The following ITGB1 variants were observed in gnomAD, a reference collection of about 807,000 sequenced individuals.
The protein encoded by ITGB1 is integrin beta-1.
Under a neutral mutation model 86.5 loss-of-function variants are expected in ITGB1, and 24 were observed. The ratio of observed to expected loss-of-function variants is 0.28; its 90% CI spans 0.20 to 0.39. The LOEUF (loss-of-function observed/expected upper bound fraction) is 0.39, where lower values mean the gene tolerates loss of function less well. Among genes scored for constraint, ITGB1 ranks in the 10% least tolerant of loss-of-function variants. The pLI is 1.00. For synonymous variants in ITGB1, 323 were observed against 316.8 expected (o/e 1.02, Z -0.21); for missense variants, 556 against 946.9 (o/e 0.59, Z 5.42).
At chr10:32,907,811 C>T (rs1427337426) in intron 15 of ITGB1, among the ~76,000 whole-genome samples, 4 of 151,936 alleles carry the variant, frequency 2.6e-5, no homozygotes. Context: ...CTAACGATAG[C>T]TGATGAGCTT....
intron 2 of ITGB1, among the ~76,000 whole-genome samples, chr10:32,934,746 T>C (rs1176920505): frequency 1.3e-5 from 2 of 152,236 alleles, no homozygotes; most frequent in African/African-American, 2.4e-5. Flanking sequence ...TCAGTTTTTA[T>C]TGGATTTCTA....
chr10:32,923,259 T>C (rs2094955374), intron 7 of ITGB1, among the ~76,000 whole-genome samples: 1 of 152,216 alleles, frequency 6.6e-6, no homozygotes, highest in Non-Finnish European at 1.5e-5. Flanking sequence ...AGTATGAGAC[T>C]AGATAAATTA....
chr10:32,926,241 C>A, intron 5 of ITGB1, 132 bp from the exon 6 acceptor site: 2 of 682,188 alleles, frequency 2.9e-6, no homozygotes, highest in Non-Finnish European at 2.5e-6. Context: ...TGTGTTACCC[C>A]AAAATTCCTA....
chr10:32,917,047 A>G (rs1292701239), intron 11 of ITGB1, among the ~76,000 whole-genome samples: 1 of 152,176 alleles, frequency 6.6e-6, no homozygotes, highest in East Asian at 1.9e-4. Flanking sequence ...ACACATCTAC[A>G]ACCATCTGAT....
intron 1 of ITGB1, among the ~76,000 whole-genome samples, chr10:32,954,816 T>G (rs893435456): frequency 1.3e-5 from 2 of 152,238 alleles, no homozygotes; most frequent in Non-Finnish European, 2.9e-5. Context: ...TGAGGTGATA[T>G]GCACACGCTT....
At chr10:32,932,745 A>C in intron 2 of ITGB1, 145 bp from the exon 3 acceptor site, 4 of 555,544 alleles carry the variant, frequency 7.2e-6, no homozygotes, top group East Asian at 3.1e-5. Context: ...ACCTTCCCCA[A>C]AGAGAGCAGG....
chr10:32,938,278 T>C (rs2095009019), intron 1 of ITGB1, among the ~76,000 whole-genome samples: 1 of 152,248 alleles, frequency 6.6e-6, no homozygotes, highest in Non-Finnish European at 1.5e-5. Flanking sequence ...TAAAAGTTCC[T>C]GAGGAAATGC....
chr10:32,943,741 G>C (rs1227872421), intron 1 of ITGB1, among the ~76,000 whole-genome samples: 1 of 152,108 alleles, frequency 6.6e-6, no homozygotes, highest in African/African-American at 2.4e-5. Context: ...CCTGGGAACA[G>C]AACTGGTGTG....
chr10:32,951,931 T>C (rs1005611306), intron 1 of ITGB1, among the ~76,000 whole-genome samples: 2 of 152,196 alleles, frequency 1.3e-5, no homozygotes, highest in Non-Finnish European at 2.9e-5. Context: ...GAGAATTATC[T>C]TCTCAAACTG....
In ITGB1 at chr10:32,932,614, G is replaced by A. The variant is rs2094987206; in HGVS notation, c.68-14C>T. ...ATCTATTTTCATCTGTCAGAAAGAA[G>A]AAAGAACAGAACATTTTATGTGAAG... is the stretch of plus-strand genomic sequence containing the variant. On this transcript the variant is annotated splice_polypyrimidine_tract_variant and intron_variant, in intron 2 of 15. Coordinates refer to ENST00000302278, the MANE Select transcript of ITGB1 (RefSeq NM_002211.4). 1 of 1,409,084 alleles carries A rather than the reference G, an allele frequency of 7.1e-7. No homozygotes were observed. Among genetic ancestry groups the A allele is most frequent in the Non-Finnish European group, 1.0e-6 (1 of 994,332 alleles). The allele number at this position is 1,409,084 out of a possible 1,614,324, so 87.3% of individuals were successfully genotyped here.
chr10:32,955,335 C>G (rs2095050271), intron 1 of ITGB1, among the ~76,000 whole-genome samples: 1 of 152,320 alleles, frequency 6.6e-6, no homozygotes, highest in Admixed American at 6.5e-5. Flanking sequence ...AACTCTCTGG[C>G]AGAGTGAGAA....
At position 32,900,638 on chromosome 10, in the gene ITGB1, T is replaced by C. The variant is rs1191694193; in HGVS notation, c.*932A>G. 3 of 140,624 alleles carry C rather than the reference T, an allele frequency of 2.1e-5. No homozygotes were observed. Among genetic ancestry groups the C allele is most frequent in the Admixed American group, 1.4e-4 (2 of 13,940 alleles). The allele number at this position is 140,624 out of a possible 1,614,324, so 8.7% of individuals were successfully genotyped here. On this transcript the variant is annotated 3_prime_UTR_variant, in exon 16 of 16. Coordinates refer to ENST00000302278, the MANE Select transcript of ITGB1 (RefSeq NM_002211.4). ...TTCACATGTTCATTAAAAAGGCAAA[T>C]TGACCGCTAAAACTTCAAAGAAAAA... is the stretch of plus-strand genomic sequence containing the variant.
chr10:32,936,410 G>C (rs1032290053), intron 1 of ITGB1, among the ~76,000 whole-genome samples: 2 of 151,866 alleles, frequency 1.3e-5, no homozygotes, highest in African/African-American at 4.8e-5. Context: ...CTGGGCAACA[G>C]AGCAGGACTC....
intron 1 of ITGB1, among the ~76,000 whole-genome samples, chr10:32,942,582 T>A (rs2095021095): frequency 6.6e-6 from 1 of 152,172 alleles, no homozygotes; most frequent in Admixed American, 6.5e-5. Flanking sequence ...TCTTTGCTGT[T>A]AGGCTCATGC....
intron 5 of ITGB1, among the ~76,000 whole-genome samples, chr10:32,926,487 C>T (rs1182225517): frequency 6.6e-6 from 1 of 152,136 alleles, no homozygotes; most frequent in Non-Finnish European, 1.5e-5. Flanking sequence ...CTATTCTGAC[C>T]ACAGTGAGTG....
At chr10:32,946,333 G>T (rs1383924297) in intron 1 of ITGB1, among the ~76,000 whole-genome samples, 1 of 152,172 alleles carries the variant, frequency 6.6e-6, no homozygotes, top group African/African-American at 2.4e-5. Flanking sequence ...CCAATAAAAA[G>T]AATTCACAGG....
chr10:32,916,762 C>T (rs1785807110), intron 11 of ITGB1, among the ~76,000 whole-genome samples: 1 of 152,176 alleles, frequency 6.6e-6, no homozygotes, highest in Non-Finnish European at 1.5e-5. Flanking sequence ...AATGGCCATA[C>T]TGCCCAAGGT....
chr10:32,942,613 G>A (rs1488555319), intron 1 of ITGB1, among the ~76,000 whole-genome samples: 1 of 152,140 alleles, frequency 6.6e-6, no homozygotes, highest in Non-Finnish European at 1.5e-5. Flanking sequence ...AGCACTTTGA[G>A]GGGCTGAGGT....
Position 32,957,589 on chromosome 10 carries a change from G to A in ITGB1, c.-1+556C>T, listed in dbSNP as rs1404767484. Among the ~76,000 whole-genome samples, 3 of 151,482 alleles carry A rather than the reference G, an allele frequency of 2.0e-5. No individual in the cohort carries two copies. The East Asian group carries it at 6.0e-4, about 30-fold the overall frequency. ...CGCCCGCGGCGCTGGCCCCAGGGCC[G>A]CCTCCTGGCAGCCGGAGGAGACCAG... On this transcript the variant is annotated intron_variant, in intron 1 of 15. Transcript: ENST00000302278.
Sources: allele counts gnomAD v4.1 joint callset (sites outside exome capture counted in the v4.1 genomes callset), GRCh38; gene constraint gnomAD v4.1.1; transcripts MANE v1.5; gene names NCBI Gene and HGNC (gene_info 2026-07-23, HGNC 2026-07-21).